TXLNG: variants seen among roughly 807,000 people sequenced by gnomAD.
TXLNG encodes the protein taxilin gamma, also known as gamma-taxilin.
TXLNG carries 5 observed loss-of-function variants against 38.8 expected under a neutral mutation model. The observed-to-expected ratio is 0.13, with a 90% CI of 0.07 to 0.27. TXLNG has a LOEUF of 0.27. Among genes scored for constraint, TXLNG ranks in the 10% least tolerant of loss-of-function variants. The pLI is 1.00. For missense variants in TXLNG, 393 were observed against 398.2 expected, an observed-to-expected ratio of 0.99 and a Z score of 0.11; for synonymous variants, 182 against 158.2, an observed-to-expected ratio of 1.15 and a Z score of -1.13.
intron 3 of TXLNG, among the ~76,000 whole-genome samples, chrX:16,821,659 C>A (rs1928963157): frequency 8.9e-6 from 1 of 112,242 alleles, no homozygotes; most frequent in Non-Finnish European, 1.9e-5. Context: ...ATATCATAAG[C>A]CATTACTTTT....
intron 1 of TXLNG, among the ~76,000 whole-genome samples, chrX:16,789,251 A>C (rs966825555): frequency 1.8e-5 from 2 of 110,823 alleles, no homozygotes; most frequent in African/African-American, 6.6e-5. Context: ...CCATCTGCCT[A>C]GTCACTCGCG....
chrX:16,815,222 C>G (rs1382813694), intron 1 of TXLNG, among the ~76,000 whole-genome samples: 1 of 111,906 alleles, frequency 8.9e-6, no homozygotes, highest in Admixed American at 9.5e-5. Context: ...GTCGCCCAGG[C>G]TGGAGTGCAA....
intron 1 of TXLNG, among the ~76,000 whole-genome samples, chrX:16,809,108 T>C (rs1457146826): frequency 9.0e-6 from 1 of 111,471 alleles, no homozygotes; most frequent in African/African-American, 3.3e-5. Context: ...GTACATTATG[T>C]GCTAAGTTTT....
intron 1 of TXLNG, among the ~76,000 whole-genome samples, chrX:16,788,343 TG>T (rs1927572422): frequency 1.8e-5 from 2 of 112,213 alleles, no homozygotes; most frequent in African/African-American, 6.5e-5. Flanking sequence ...GGTTAACAGC[TG>T]GATAGGAATA....
chrX:16,801,099 A>T (rs1223791524), intron 1 of TXLNG, among the ~76,000 whole-genome samples: 2 of 112,902 alleles, frequency 1.8e-5, no homozygotes, highest in Admixed American at 9.3e-5. Flanking sequence ...GCCAGAAGCG[A>T]TGCCAGCGCC....
intron 1 of TXLNG, among the ~76,000 whole-genome samples, chrX:16,815,440 G>A (rs542799583): frequency 8.9e-6 from 1 of 112,030 alleles, no homozygotes; most frequent in Admixed American, 9.5e-5. Context: ...CTCCCAAAGT[G>A]CTGGGATTAC....
At chrX:16,805,036 G>T (rs1016287971) in intron 1 of TXLNG, among the ~76,000 whole-genome samples, 46 of 82,901 alleles carry the variant, frequency 5.5e-4, no homozygotes, top group African/African-American at 2.2e-3. Flanking sequence ...GTGTTGCCCA[G>T]GCTAGAGTGC....
At chrX:16,786,711 T>G in intron 1 of TXLNG, 122 bp downstream of exon 1, 1 of 205,070 alleles carries the variant, frequency 4.9e-6, no homozygotes, top group Non-Finnish European at 7.2e-6. Context: ...TCCGGTCTTC[T>G]TCCCTCCCGG....
chrX:16,808,243 C>T (rs1928396825), intron 1 of TXLNG, among the ~76,000 whole-genome samples: 2 of 111,639 alleles, frequency 1.8e-5, no homozygotes. Context: ...TTGTGCTTCT[C>T]TAAAAGGTAC....
At chrX:16,828,288 T>C in intron 4 of TXLNG, 24 bp downstream of exon 4, 2 of 1,174,049 alleles carry the variant, frequency 1.7e-6, no homozygotes, top group South Asian at 3.9e-5. Flanking sequence ...TTTGTCTGTT[T>C]TTTTCAGGAG....
intron 1 of TXLNG, among the ~76,000 whole-genome samples, chrX:16,799,373 C>T (rs1162786758): frequency 9.0e-6 from 1 of 111,722 alleles, no homozygotes; most frequent in Non-Finnish European, 1.9e-5. Context: ...ATAATGGCTT[C>T]CTCCCCTCAC....
intron 9 of TXLNG, 126 bp downstream of exon 9, chrX:16,840,042 T>TGGGGCG (rs2147502798): frequency 2.1e-6 from 1 of 487,651 alleles, no homozygotes; most frequent in South Asian, 5.6e-5. Flanking sequence ...CAGCCCGCGT[T>TGGGGCG]GGGGCGGGGG....
chrX:16,794,981 A>G (rs1370989765), intron 1 of TXLNG, among the ~76,000 whole-genome samples: 1 of 111,863 alleles, frequency 8.9e-6, no homozygotes, highest in Non-Finnish European at 1.9e-5. Context: ...CTTTATTTAT[A>G]TAAAAGAATA....
rs894087734 is a variant in TXLNG at position 16,843,587 on chromosome X, G to A, written c.*1821G>A. ...AGAAATATAATCCACCTTAAAATTA[G>A]TACTAATGATCACATTATTTCACAA... On this transcript the variant is annotated 3_prime_UTR_variant, in exon 10 of 10. Coordinates refer to ENST00000380122, the MANE Select transcript of TXLNG (RefSeq NM_018360.3). 3 of 111,898 alleles carry A rather than the reference G, an allele frequency of 2.7e-5. No individual in the cohort carries two copies. The highest frequency in any genetic ancestry group is 9.8e-5 in the African/African-American group (3 of 30,737). 9.2% of individuals were successfully genotyped at this position (111,898 alleles called of 1,213,427 possible). A position where few individuals can be genotyped will look rare whatever the true frequency, so the allele number is the denominator to read the frequency against.
At chrX:16,799,512 C>T (rs1339704628) in intron 1 of TXLNG, among the ~76,000 whole-genome samples, 1 of 111,807 alleles carries the variant, frequency 8.9e-6, no homozygotes, top group African/African-American at 3.3e-5. Context: ...GTGGCTCATG[C>T]CTGTAATCCC....
At position 16,843,987 on chromosome X, in the gene TXLNG, A is replaced by G. The variant is rs368680174; in HGVS notation, c.*2221A>G. On this transcript the variant is annotated 3_prime_UTR_variant, in exon 10 of 10. Coordinates refer to ENST00000380122, the MANE Select transcript of TXLNG (RefSeq NM_018360.3). ...CTTTGTAGCGCACCCCGTATCTACC[A>G]TATTCTAGAACACTGTAATGCTACT... The G allele has an allele frequency of 1.8e-5, 2 of 111,539 alleles. No individual in the cohort carries two copies. Among genetic ancestry groups the G allele is most frequent in the African/African-American group, 6.5e-5 (2 of 30,664 alleles). 9.2% of individuals were successfully genotyped at this position (111,539 alleles called of 1,213,427 possible). A position where few individuals can be genotyped will look rare whatever the true frequency, so the allele number is the denominator to read the frequency against.
chrX:16,840,361 C>T, intron 9 of TXLNG: 3 of 598,575 alleles, frequency 5.0e-6, no homozygotes, highest in Non-Finnish European at 6.0e-6. Context: ...GCTGATGCAG[C>T]ATGTAGGGCC....
At chrX:16,798,165 G>T (rs1457978031) in intron 1 of TXLNG, among the ~76,000 whole-genome samples, 1 of 112,180 alleles carries the variant, frequency 8.9e-6, no homozygotes, top group African/African-American at 3.2e-5. Flanking sequence ...TAGTCATTTC[G>T]AAAATATTGG....
At chrX:16,806,012 A>G (rs947149600) in intron 1 of TXLNG, among the ~76,000 whole-genome samples, 3 of 112,683 alleles carry the variant, frequency 2.7e-5, no homozygotes, top group Non-Finnish European at 5.6e-5. Context: ...GGAATTTGAG[A>G]TAAATGATTG....
Sources: gnomAD v4.1 joint callset for allele counts (sites outside exome capture counted in the v4.1 genomes callset) on GRCh38, gnomAD v4.1.1 for gene constraint, MANE v1.5 for transcripts, NCBI Gene and HGNC (gene_info 2026-07-23, HGNC 2026-07-21) for gene names.